ASTN2: variants seen among roughly 807,000 people sequenced by gnomAD.
ASTN2 encodes the protein astrotactin 2, also known as astrotactin-2.
A neutral mutation model predicts 139.8 loss-of-function variants in ASTN2; 54 were observed. The ratio of observed to expected loss-of-function variants is 0.39; its 90% CI spans 0.31 to 0.48. The LOEUF (loss-of-function observed/expected upper bound fraction) is 0.48. Among genes scored for constraint, ASTN2 ranks in the 20% least tolerant of loss-of-function variants. The pLI, the probability that ASTN2 is intolerant of heterozygous loss-of-function variation, is 0.95. For synonymous variants in ASTN2, 756 were observed against 719.5 expected (o/e 1.05, Z -0.81); for missense variants, 1,565 against 1,725.1 (o/e 0.91, Z 1.64).
chr9:117,352,997 C>T (rs1829432232), intron 1 of ASTN2, among the ~76,000 whole-genome samples: 2 of 152,022 alleles, frequency 1.3e-5, no homozygotes, highest in Non-Finnish European at 2.9e-5. Flanking sequence ...GAGAAGTTAT[C>T]AGGGTTGGGA....
At chr9:117,347,828 G>C (rs532500458) in intron 1 of ASTN2, among the ~76,000 whole-genome samples, 133 of 152,262 alleles carry the variant, frequency 8.7e-4, no homozygotes, top group African/African-American at 3.1e-3. Context: ...CCCCAGCACT[G>C]GATGACAAGG....
At chr9:117,203,797 G>T (rs556822872) in intron 3 of ASTN2, among the ~76,000 whole-genome samples, 59 of 152,250 alleles carry the variant, frequency 3.9e-4, no homozygotes, top group African/African-American at 1.4e-3. Flanking sequence ...CCTGCATAGG[G>T]TATCTGACAA....
At position 117,184,364 on chromosome 9, in the gene ASTN2, C is replaced by T. The variant is rs144041725; in HGVS notation, c.1015+29994G>A. ...GGCTGCTTCCTGGGGTGATGAACAG[C>T]GCCAATCAGGCAGCACTTAACGCAA... On this transcript the variant is annotated intron_variant, in intron 3 of 22. Transcript: ENST00000313400. Among the ~76,000 whole-genome samples the T allele has an allele frequency of 3.7e-4, 56 of 152,266 alleles. No homozygotes were observed. The East Asian group carries it at 9.5e-3, about 26-fold the overall frequency.
intron 4 of ASTN2, among the ~76,000 whole-genome samples, chr9:117,140,782 C>T (rs1218152606): frequency 6.6e-6 from 1 of 152,174 alleles, no homozygotes; most frequent in African/African-American, 2.4e-5. Context: ...GTTATTCTTA[C>T]AACCCTGTGA....
At chr9:116,443,371 C>A (rs1272063262) in intron 20 of ASTN2, among the ~76,000 whole-genome samples, 1 of 152,176 alleles carries the variant, frequency 6.6e-6, no homozygotes, top group East Asian at 1.9e-4. Flanking sequence ...TCGGTGGGAA[C>A]CTTGTAGGCC....
chr9:117,096,418 T>C (rs1221312893), intron 4 of ASTN2, among the ~76,000 whole-genome samples: 1 of 152,164 alleles, frequency 6.6e-6, no homozygotes, highest in Non-Finnish European at 1.5e-5. Context: ...CTCTCTAAAA[T>C]AGGGATAAAA....
At chr9:117,267,660 C>T (rs958957826) in intron 2 of ASTN2, among the ~76,000 whole-genome samples, 6 of 152,160 alleles carry the variant, frequency 3.9e-5, no homozygotes, top group Non-Finnish European at 5.9e-5. Flanking sequence ...AAAAATTCCT[C>T]CTCCCAATGG....
Position 116,423,530 on chromosome 9 carries a change from T to C in ASTN2, c.*2321A>G, listed in dbSNP as rs755452424. 2.0e-5 allele frequency among the ~76,000 whole-genome samples: 3 copies of C among 152,206 alleles called. No individual in the cohort carries two copies. The highest frequency in any genetic ancestry group is 4.4e-5 in the Non-Finnish European group (3 of 68,032). On this transcript the variant is annotated 3_prime_UTR_variant, in exon 23 of 23. Coordinates refer to ENST00000313400, the MANE Select transcript of ASTN2 (RefSeq NM_001365068.1). Reference sequence around the variant, plus strand: ...ACAATGGAAAGCAACAGCAACCTGATAGCTCTCTGAAAACTTGGGACCCAG... The same window carrying C: ...ACAATGGAAAGCAACAGCAACCTGACAGCTCTCTGAAAACTTGGGACCCAG...
intron 3 of ASTN2, among the ~76,000 whole-genome samples, chr9:117,185,893 A>G (rs1003384623): frequency 6.6e-6 from 1 of 152,218 alleles, no homozygotes; most frequent in African/African-American, 2.4e-5. Context: ...AATTGCTGTT[A>G]TATCCAATCA....
At chr9:116,658,099 GT>G (rs1236568625) in intron 16 of ASTN2, among the ~76,000 whole-genome samples, 3 of 146,330 alleles carry the variant, frequency 2.1e-5, no homozygotes, top group African/African-American at 8.3e-5. Flanking sequence ...TTTTTGTTTT[GT>G]TTTTGTTTTG....
At chr9:117,257,467 T>C (rs954603042) in intron 2 of ASTN2, among the ~76,000 whole-genome samples, 66 of 152,354 alleles carry the variant, frequency 4.3e-4, no homozygotes, top group African/African-American at 1.4e-3. Flanking sequence ...GATTGCCCTG[T>C]GAAGTGGTGA....
chr9:116,732,505 GA>G (rs1237199245), intron 14 of ASTN2, among the ~76,000 whole-genome samples: 1 of 152,168 alleles, frequency 6.6e-6, no homozygotes. Flanking sequence ...CTCAGTGAAA[GA>G]GCTCTATTAT....
intron 4 of ASTN2, among the ~76,000 whole-genome samples, chr9:117,116,570 T>A (rs1829396772): frequency 7.5e-6 from 1 of 133,200 alleles, no homozygotes; most frequent in Non-Finnish European, 1.6e-5. Context: ...GGAAAAGATT[T>A]CATCAAAAGT....
chr9:117,329,953 G>A (rs754127585), intron 1 of ASTN2, among the ~76,000 whole-genome samples: 10 of 152,064 alleles, frequency 6.6e-5, no homozygotes, highest in Non-Finnish European at 1.3e-4. Context: ...AACTGTTATC[G>A]TTCTTATTTT....
chr9:116,793,579 C>A (rs546443757), intron 13 of ASTN2, among the ~76,000 whole-genome samples: 1 of 152,306 alleles, frequency 6.6e-6, no homozygotes, highest in South Asian at 2.1e-4. Flanking sequence ...CTTGGAAACA[C>A]ATATTTTAAT....
intron 1 of ASTN2, among the ~76,000 whole-genome samples, chr9:117,324,314 G>A (rs549861777): frequency 6.6e-6 from 1 of 152,300 alleles, no homozygotes; most frequent in Non-Finnish European, 1.5e-5. Context: ...CTGCTATAAA[G>A]ATATTACGTG....
At chr9:116,656,206 A>T (rs897019766) in intron 16 of ASTN2, among the ~76,000 whole-genome samples, 12 of 152,216 alleles carry the variant, frequency 7.9e-5, no homozygotes, top group African/African-American at 2.9e-4. Context: ...TATTTGTTAA[A>T]TATATAGTAA....
At position 116,874,383 on chromosome 9, in the gene ASTN2, G is replaced by A. The variant is rs73658707; in HGVS notation, c.1890-10650C>T. Reference sequence around the variant, plus strand: ...TTCCTGCATGCCTAGAGTCCTCCTCGGTCACATCCCTTAGTGCACTGGGCA... The same window carrying A: ...TTCCTGCATGCCTAGAGTCCTCCTCAGTCACATCCCTTAGTGCACTGGGCA... On this transcript the variant is annotated intron_variant, in intron 10 of 22. Transcript: ENST00000313400. Among the ~76,000 whole-genome samples, 1,187 of 152,192 alleles carry A rather than the reference G, an allele frequency of 7.8e-3. 15 individuals are homozygous for A. Among genetic ancestry groups the A allele is most frequent in the African/African-American group, 0.027 (1,139 of 41,520 alleles).
chr9:116,634,562 C>G (rs1588119697), intron 17 of ASTN2, among the ~76,000 whole-genome samples: 1 of 139,392 alleles, frequency 7.2e-6, no homozygotes, highest in East Asian at 2.0e-4. Flanking sequence ...TGCACCCCAG[C>G]CTGGGCGACA....
Sources: allele counts gnomAD v4.1 joint callset (sites outside exome capture counted in the v4.1 genomes callset), GRCh38; gene constraint gnomAD v4.1.1; transcripts MANE v1.5; gene names NCBI Gene and HGNC (gene_info 2026-07-23, HGNC 2026-07-21).